The following MCC variants were observed in gnomAD, a reference collection of about 807,000 sequenced individuals.
MCC encodes the protein MCC regulator of Wnt signaling pathway.
A neutral mutation model predicts 116.2 loss-of-function variants in MCC; 90 were observed. The ratio of observed to expected loss-of-function variants is 0.77; its 90% CI spans 0.65 to 0.92. MCC has a LOEUF of 0.92. Ranked by LOEUF, MCC falls within the 40% of genes least tolerant of loss-of-function variation. The pLI is 0.00. For missense variants in MCC, 1,516 were observed against 1,312.2 expected (o/e 1.16, Z -2.40); for synonymous variants, 578 against 510.5 (o/e 1.13, Z -1.78).
At chr5:113,043,163 C>T (rs73235137) in intron 17 of MCC, among the ~76,000 whole-genome samples, 4 of 152,102 alleles carry the variant, frequency 2.6e-5, no homozygotes, top group African/African-American at 9.7e-5. Context: ...TTCACACTAC[C>T]AACGCTGAAG....
chr5:113,461,739 AC>A (rs1771748805), intron 1 of MCC, among the ~76,000 whole-genome samples: 1 of 102,772 alleles, frequency 9.7e-6, no homozygotes, highest in Admixed American at 1.2e-4. Context: ...AACAACTTGC[AC>A]CAGTAAAAAA....
intron 1 of MCC, among the ~76,000 whole-genome samples, chr5:113,418,248 A>G (rs1207878353): frequency 6.6e-6 from 1 of 152,072 alleles, no homozygotes; most frequent in Non-Finnish European, 1.5e-5. Context: ...CATGTACCCT[A>G]AAACTTAAAA....
chr5:113,057,685 C>T (rs1361902543), intron 14 of MCC, among the ~76,000 whole-genome samples: 14 of 152,232 alleles, frequency 9.2e-5, no homozygotes, highest in Non-Finnish European at 1.3e-4. Context: ...TCAGCGAAGG[C>T]CTGTCTGCCT....
At chr5:113,465,238 T>C (rs1008967017) in intron 1 of MCC, among the ~76,000 whole-genome samples, 1 of 151,646 alleles carries the variant, frequency 6.6e-6, no homozygotes, top group African/African-American at 2.4e-5. Flanking sequence ...TGCAAATATA[T>C]GTTTTTCAAA....
intron 3 of MCC, among the ~76,000 whole-genome samples, chr5:113,298,981 A>T (rs956098074): frequency 2.6e-5 from 4 of 152,120 alleles, no homozygotes; most frequent in Non-Finnish European, 5.9e-5. Context: ...GCTGAACCCC[A>T]TTGCATGTAA....
intron 8 of MCC, among the ~76,000 whole-genome samples, chr5:113,092,712 C>A (rs1415106088): frequency 6.6e-5 from 10 of 152,194 alleles, no homozygotes; most frequent in African/African-American, 2.4e-4. Context: ...AGTACAAGAG[C>A]TGACACTGAC....
chr5:113,184,223 C>G (rs1432152914), intron 3 of MCC, among the ~76,000 whole-genome samples: 4 of 152,142 alleles, frequency 2.6e-5, no homozygotes, highest in African/African-American at 9.7e-5. Context: ...TGGGATAACT[C>G]AGGTCCTTAA....
intron 1 of MCC, chr5:113,433,649 C>T: frequency 1.4e-6 from 2 of 1,461,928 alleles, no homozygotes; most frequent in Admixed American, 4.8e-5. Context: ...TCTGGGACTG[C>T]CTTCCTTCTC....
intron 7 of MCC, 100 bp from the exon 8 acceptor site, chr5:113,102,045 G>T: frequency 8.5e-7 from 1 of 1,170,034 alleles, no homozygotes; most frequent in Non-Finnish European, 1.2e-6. Context: ...ATAGAGGAGT[G>T]TGTTCTAGAA....
At chr5:113,039,249 G>A (rs1238789594) in intron 17 of MCC, among the ~76,000 whole-genome samples, 6 of 152,148 alleles carry the variant, frequency 3.9e-5, no homozygotes, top group Non-Finnish European at 7.4e-5. Flanking sequence ...ACGAGATCTC[G>A]CTATGTTGCC....
chr5:113,286,520 C>T lies in MCC; in HGVS notation c.627+53999G>A, dbSNP rs150239473. On this transcript the variant is annotated intron_variant, in intron 3 of 18. Transcript: ENST00000408903. ...TTTGGTTTAAGATGCATTTCCACCT[C>T]TGGCCCCATAAGTCCTATGCGCGTT... Among the ~76,000 whole-genome samples the T allele has an allele frequency of 2.0e-3, 301 of 152,342 alleles. 6 individuals carry two copies. The East Asian group carries it at 0.032, about 16-fold the overall frequency.
chr5:113,401,378 C>T (rs752247115), intron 1 of MCC, among the ~76,000 whole-genome samples: 1 of 152,124 alleles, frequency 6.6e-6, no homozygotes, highest in Non-Finnish European at 1.5e-5. Context: ...AAATTTTTCA[C>T]TAAGTGCTAC....
chr5:113,140,578 C>T (rs1433276371), intron 5 of MCC, among the ~76,000 whole-genome samples: 1 of 152,124 alleles, frequency 6.6e-6, no homozygotes, highest in Admixed American at 6.6e-5. Context: ...ACAGAAGGTG[C>T]CTGGTGCTTT....
chr5:113,488,163 G>T, intron 1 of MCC, 82 bp downstream of exon 1: 1 of 1,353,982 alleles, frequency 7.4e-7, no homozygotes, highest in Non-Finnish European at 9.7e-7. Flanking sequence ...CGCAAGTTGG[G>T]GCGAGGGGGC....
chr5:113,414,477 G>A (rs1052566310), intron 1 of MCC, among the ~76,000 whole-genome samples: 3 of 152,146 alleles, frequency 2.0e-5, no homozygotes, highest in African/African-American at 7.2e-5. Context: ...ATATATTTAG[G>A]ACAGTTAGCT....
At chr5:113,110,161 A>G (rs1271253752) in intron 6 of MCC, among the ~76,000 whole-genome samples, 4 of 152,136 alleles carry the variant, frequency 2.6e-5, no homozygotes, top group Non-Finnish European at 5.9e-5. Flanking sequence ...GGAGACAGAG[A>G]GGAGGCCTTT....
chr5:113,429,759 G>A (rs1190015138), intron 1 of MCC, among the ~76,000 whole-genome samples: 1 of 152,154 alleles, frequency 6.6e-6, no homozygotes, highest in Non-Finnish European at 1.5e-5. Flanking sequence ...AATTCTGAGG[G>A]CACTTCATAT....
At chr5:113,249,746 T>C (rs532947709) in intron 3 of MCC, among the ~76,000 whole-genome samples, 71 of 152,232 alleles carry the variant, frequency 4.7e-4, no homozygotes, top group African/African-American at 1.7e-3. Flanking sequence ...TCATCTCCCT[T>C]TCAAACCTGC....
chr5:113,453,863 C>A (rs751059022), intron 1 of MCC, among the ~76,000 whole-genome samples: 14 of 152,120 alleles, frequency 9.2e-5, no homozygotes, highest in Non-Finnish European at 1.5e-4. Flanking sequence ...GTAATCCCTG[C>A]ACTTTGGGAG....
Sources: gnomAD v4.1 joint callset for allele counts (sites outside exome capture counted in the v4.1 genomes callset) on GRCh38, gnomAD v4.1.1 for gene constraint, MANE v1.5 for transcripts, NCBI Gene and HGNC (gene_info 2026-07-23, HGNC 2026-07-21) for gene names.